CALN1: variants seen among roughly 807,000 people sequenced by gnomAD.
CALN1 encodes calneuron 1.
CALN1 carries 17 observed loss-of-function variants against 30.6 expected under a neutral mutation model. That is an observed-to-expected ratio of 0.56 (90% confidence interval 0.38 to 0.83). The LOEUF is 0.83. CALN1 is among the 40% of genes least tolerant of loss of function. The probability of loss-of-function intolerance (pLI) is 0.00; values close to 1 mark genes in which losing one functional copy is unlikely to be tolerated. For synonymous variants in CALN1, 156 were observed against 131.4 expected, an observed-to-expected ratio of 1.19 and a Z score of -1.28; for missense variants, 291 against 354.9, an observed-to-expected ratio of 0.82 and a Z score of 1.45.
chr7:71,835,053 T>G (rs1789525452), intron 5 of CALN1, among the ~76,000 whole-genome samples: 1 of 152,160 alleles, frequency 6.6e-6, no homozygotes, highest in Admixed American at 6.5e-5. Flanking sequence ...TAGGCTGGTC[T>G]CAAACTCCTG....
the CALN1 span, among the ~76,000 whole-genome samples, chr7:72,478,788 A>G: frequency 6.6e-6 from 1 of 151,994 alleles, no homozygotes; most frequent in Admixed American, 6.6e-5. Flanking sequence ...AAAATAATAA[A>G]TTATAGGGCG....
intron 2 of CALN1, among the ~76,000 whole-genome samples, chr7:72,370,989 A>T (rs1409784759): frequency 6.7e-6 from 1 of 150,246 alleles, no homozygotes; most frequent in Non-Finnish European, 1.5e-5. Context: ...TGGAGGTTGC[A>T]GTAAGCCAAG....
intron 5 of CALN1, among the ~76,000 whole-genome samples, chr7:71,842,698 A>C (rs1790004933): frequency 6.6e-6 from 1 of 152,204 alleles, no homozygotes; most frequent in South Asian, 2.1e-4. Flanking sequence ...ACACTTAGTG[A>C]GGCAAAAATA....
intron 6 of CALN1, among the ~76,000 whole-genome samples, chr7:71,788,491 G>GTTT (rs1298189911): frequency 3.2e-5 from 4 of 126,834 alleles, no homozygotes; most frequent in African/African-American, 8.9e-5. Context: ...TTTTTTTGTT[G>GTTT]TTTTTTTTTT....
intron 3 of CALN1, among the ~76,000 whole-genome samples, chr7:72,137,123 G>A (rs1809564415): frequency 6.6e-6 from 1 of 152,164 alleles, no homozygotes; most frequent in Admixed American, 6.5e-5. Flanking sequence ...GCTTGTCATA[G>A]GTTTGGAATG....
chr7:72,066,894 G>A (rs1804059594), intron 4 of CALN1, among the ~76,000 whole-genome samples: 1 of 151,470 alleles, frequency 6.6e-6, no homozygotes, highest in Admixed American at 6.6e-5. Flanking sequence ...ATATTCTCTC[G>A]CCTCAGCCTC....
In CALN1 at chr7:72,373,532, A is replaced by T. The variant is rs1170291411; in HGVS notation, c.119+29719T>A. ...GACAGTATTCAATAAACTACATGAG[A>T]TATTCAACACTTTATTATAAAATAG... On this transcript the variant is annotated intron_variant, in intron 2 of 6. Transcript: ENST00000395275. 3.3e-5 allele frequency among the ~76,000 whole-genome samples: 5 copies of T among 152,144 alleles called. No homozygotes were observed. In the East Asian group the frequency reaches 9.6e-4, roughly 29 times the overall value.
intron 3 of CALN1, among the ~76,000 whole-genome samples, chr7:72,136,026 G>C (rs1331877146): frequency 6.6e-6 from 1 of 151,966 alleles, no homozygotes; most frequent in Non-Finnish European, 1.5e-5. Flanking sequence ...CCAGCTACTT[G>C]GGAGGCTGAG....
chr7:72,163,392 T>TAAAAAAAAA (rs55881217), intron 3 of CALN1, among the ~76,000 whole-genome samples: 1 of 79,306 alleles, frequency 1.3e-5, no homozygotes, highest in Admixed American at 1.3e-4. Flanking sequence ...TATTGGAGAT[T>TAAAAAAAAA]AAAAAAAAAA....
chr7:71,953,420 G>A lies in CALN1; in HGVS notation c.501+70237C>T, dbSNP rs567765835. Among the ~76,000 whole-genome samples the A allele has an allele frequency of 1.6e-4, 24 of 152,182 alleles. No individual in the cohort carries two copies. In the South Asian group the frequency reaches 5.0e-3, roughly 32 times the overall value. Reference sequence around the variant, plus strand: ...GAAGAATGGATTTATCATCTTAAATGACCACTCCAGGCCACTCGAATTGCT... The same window carrying A: ...GAAGAATGGATTTATCATCTTAAATAACCACTCCAGGCCACTCGAATTGCT... On this transcript the variant is annotated intron_variant, in intron 5 of 6. Coordinates refer to ENST00000395275, the MANE Select transcript of CALN1 (RefSeq NM_031468.4).
At chr7:72,207,706 G>C (rs952676828) in intron 3 of CALN1, among the ~76,000 whole-genome samples, 5 of 152,140 alleles carry the variant, frequency 3.3e-5, no homozygotes, top group African/African-American at 1.2e-4. Context: ...CCCCATAATT[G>C]AGAACAGTTT....
At chr7:71,978,495 T>C (rs1306470032) in intron 5 of CALN1, among the ~76,000 whole-genome samples, 3 of 151,898 alleles carry the variant, frequency 2.0e-5, no homozygotes, top group Non-Finnish European at 2.9e-5. Flanking sequence ...AGGATGGTCT[T>C]GATCTCCTGA....
chr7:72,413,202 C>T (rs1235791479), upstream of CALN1, among the ~76,000 whole-genome samples: 1 of 109,590 alleles, frequency 9.1e-6, no homozygotes, highest in Non-Finnish European at 1.8e-5. Flanking sequence ...CCCACCCACT[C>T]ACACACACAC....
the CALN1 span, among the ~76,000 whole-genome samples, chr7:72,466,202 C>G: frequency 1.3e-5 from 2 of 152,100 alleles, no homozygotes; most frequent in East Asian, 1.9e-4. Context: ...GGGACCTGAA[C>G]AGGAGAACAG....
intron 3 of CALN1, among the ~76,000 whole-genome samples, chr7:72,108,990 T>G (rs376989974): frequency 1.6e-4 from 25 of 152,186 alleles, no homozygotes; most frequent in African/African-American, 5.1e-4. Context: ...TCCTTTCTTG[T>G]GACATCCAGC....
chr7:71,954,586 T>C (rs1011765354), intron 5 of CALN1, among the ~76,000 whole-genome samples: 6 of 152,192 alleles, frequency 3.9e-5, no homozygotes, highest in Non-Finnish European at 8.8e-5. Flanking sequence ...TGGGAGGCCA[T>C]GGCTCCAGTG....
intron 5 of CALN1, among the ~76,000 whole-genome samples, chr7:72,013,356 A>G (rs1274425590): frequency 1.4e-5 from 2 of 143,328 alleles, no homozygotes; most frequent in African/African-American, 5.3e-5. Context: ...GGCTCAAGTG[A>G]TCCTCCTGCC....
intron 3 of CALN1, among the ~76,000 whole-genome samples, chr7:72,193,897 A>G (rs1196516905): frequency 6.6e-6 from 1 of 152,174 alleles, no homozygotes; most frequent in Non-Finnish European, 1.5e-5. Context: ...CTCGTAAGTG[A>G]AAGCTAAGCT....
At chr7:72,146,209 A>G (rs575368069) in intron 3 of CALN1, among the ~76,000 whole-genome samples, 1 of 152,200 alleles carries the variant, frequency 6.6e-6, no homozygotes, top group Non-Finnish European at 1.5e-5. Flanking sequence ...ACATGATTGT[A>G]TATCTAGAAA....
Sources: gnomAD v4.1 joint callset for allele counts (sites outside exome capture counted in the v4.1 genomes callset) on GRCh38, gnomAD v4.1.1 for gene constraint, MANE v1.5 for transcripts, NCBI Gene and HGNC (gene_info 2026-07-23, HGNC 2026-07-21) for gene names.